Variants in ITGA9 observed in about 807,000 individuals in gnomAD.
The protein encoded by ITGA9 is integrin subunit alpha 9.
ITGA9 carries 56 observed loss-of-function variants against 127.8 expected under a neutral mutation model. That is an observed-to-expected ratio of 0.44 (90% CI 0.35 to 0.55). The LOEUF (loss-of-function observed/expected upper bound fraction) is 0.55. ITGA9 is among the 20% of genes least tolerant of loss of function. The pLI is 0.00. For missense variants in ITGA9, 1,196 were observed against 1,347.1 expected, an observed-to-expected ratio of 0.89 and a Z score of 1.76; for synonymous variants, 508 against 514.5, an observed-to-expected ratio of 0.99 and a Z score of 0.17.
chr3:37,813,616 C>CT (rs1697394471), intron 27 of ITGA9, among the ~76,000 whole-genome samples: 1 of 152,172 alleles, frequency 6.6e-6, no homozygotes, highest in Non-Finnish European at 1.5e-5. Context: ...AGATAACATG[C>CT]TTTTTTCTGG....
In ITGA9 at chr3:37,625,205, C is replaced by T. The variant is rs552117350; in HGVS notation, c.1690-3982C>T. On this transcript the variant is annotated intron_variant, in intron 15 of 27. Coordinates refer to ENST00000264741, the MANE Select transcript of ITGA9 (RefSeq NM_002207.3). ...CATTTCCTCTGGGAAGCCTGCCAGC[C>T]CTCAGTCTGAACCTTTGGGTCCCCA... Among the ~76,000 whole-genome samples, 7 of 152,254 alleles carry T rather than the reference C, an allele frequency of 4.6e-5. No individual in the cohort carries two copies. In the East Asian group the frequency reaches 1.4e-3, roughly 29 times the overall value.
At chr3:37,693,858 C>T (rs990681738) in intron 18 of ITGA9, among the ~76,000 whole-genome samples, 1 of 152,176 alleles carries the variant, frequency 6.6e-6, no homozygotes, top group African/African-American at 2.4e-5. Flanking sequence ...GACTGATTTT[C>T]ATTGTGTTCT....
intron 24 of ITGA9, among the ~76,000 whole-genome samples, chr3:37,778,977 C>G (rs1297464529): frequency 6.7e-6 from 1 of 150,132 alleles, no homozygotes; most frequent in Non-Finnish European, 1.5e-5. Context: ...ATAGTTACGA[C>G]TCTGTCTGGC....
intron 15 of ITGA9, among the ~76,000 whole-genome samples, chr3:37,626,423 G>A (rs531729534): frequency 4.3e-4 from 65 of 152,302 alleles, no homozygotes; most frequent in Non-Finnish European, 7.2e-4. Flanking sequence ...ACTTTGGGAA[G>A]ATGAGGCAGA....
intron 14 of ITGA9, among the ~76,000 whole-genome samples, chr3:37,536,583 G>A (rs553476798): frequency 6.6e-6 from 1 of 152,358 alleles, no homozygotes; most frequent in South Asian, 2.1e-4. Flanking sequence ...CAGGGTTCAA[G>A]CCTATGTACA....
chr3:37,664,822 ATTG>A (rs967209243), intron 17 of ITGA9, among the ~76,000 whole-genome samples: 2 of 152,060 alleles, frequency 1.3e-5, no homozygotes, highest in African/African-American at 4.8e-5. Context: ...CATCACTATT[ATTG>A]TTATTATATG....
chr3:37,732,633 C>T (rs1292498135), intron 18 of ITGA9, 79 bp from the exon 19 acceptor site: 1 of 1,053,946 alleles, frequency 9.5e-7, no homozygotes, highest in African/African-American at 1.6e-5. Flanking sequence ...CTCTGAAGGA[C>T]TCGATTGCCC....
intron 1 of ITGA9, among the ~76,000 whole-genome samples, chr3:37,456,459 C>A (rs1365556821): frequency 2.6e-5 from 4 of 152,156 alleles, no homozygotes; most frequent in African/African-American, 9.7e-5. Flanking sequence ...AACTGTAACA[C>A]CCTGTGATAT....
intron 15 of ITGA9, among the ~76,000 whole-genome samples, chr3:37,600,991 A>T (rs1335725308): frequency 6.6e-6 from 1 of 152,222 alleles, no homozygotes; most frequent in African/African-American, 2.4e-5. Context: ...GCATAAAGAC[A>T]TTGAAGTGTC....
At chr3:37,531,895 G>C (rs1211280579) in intron 13 of ITGA9, among the ~76,000 whole-genome samples, 2 of 152,188 alleles carry the variant, frequency 1.3e-5, no homozygotes, top group African/African-American at 4.8e-5. Context: ...TGTGTGTACA[G>C]AGCTGGAAGC....
At chr3:37,748,939 T>A (rs1696544957) in intron 22 of ITGA9, 119 of 551,112 alleles carry the variant, frequency 2.2e-4, no homozygotes, top group Middle Eastern at 9.0e-4. Context: ...CTGGACTGTT[T>A]AAAAAAAAAA....
At chr3:37,529,927 G>A (rs566880550) in intron 13 of ITGA9, among the ~76,000 whole-genome samples, 1 of 152,332 alleles carries the variant, frequency 6.6e-6, no homozygotes, top group South Asian at 2.1e-4. Context: ...ACATGGGCTG[G>A]GGGCGAGGGG....
At chr3:37,518,123 T>TGTGTG (rs1553643689) in intron 10 of ITGA9, among the ~76,000 whole-genome samples, 1 of 151,848 alleles carries the variant, frequency 6.6e-6, no homozygotes, top group Non-Finnish European at 1.5e-5. Flanking sequence ...TGTGTGTGTC[T>TGTGTG]TGGGAGGCAT....
chr3:37,504,956 G>T (rs1698825708), intron 6 of ITGA9, among the ~76,000 whole-genome samples: 1 of 152,240 alleles, frequency 6.6e-6, no homozygotes, highest in South Asian at 2.1e-4. Flanking sequence ...CTTTCAGCCT[G>T]CTAGCAAGGC....
At position 37,732,730 on chromosome 3, in the gene ITGA9, T is replaced by C; in HGVS notation, c.2086T>C (p.Cys696Arg). The C allele has an allele frequency of 6.2e-7, 1 of 1,609,774 alleles. No individual in the cohort carries two copies. The highest frequency in any genetic ancestry group is 8.5e-7 in the Non-Finnish European group (1 of 1,178,724). ...MWQKEEMGIS[C>R]ELLESDFLKC... ...CTTTCAGGAGGAGATGGGCATCTCC[T>C]GTGAGCTGCTGGAATCGGACTTCCT... The change falls in exon 19 of 28, where the codon TGT becomes CGT. Residue 696 changes from cysteine (C) to arginine (R), a missense_variant. Cys to Arg is a radical substitution (Grantham distance 180). Coordinates refer to ENST00000264741, the MANE Select transcript of ITGA9 (RefSeq NM_002207.3).
At chr3:37,507,502 C>G (rs1205414334) in intron 7 of ITGA9, among the ~76,000 whole-genome samples, 1 of 152,122 alleles carries the variant, frequency 6.6e-6, no homozygotes, top group African/African-American at 2.4e-5. Context: ...AAGATGACCC[C>G]TCCGCAAACC....
At chr3:37,523,850 T>C (rs1262838834) in intron 12 of ITGA9, among the ~76,000 whole-genome samples, 2 of 152,184 alleles carry the variant, frequency 1.3e-5, no homozygotes, top group African/African-American at 4.8e-5. Context: ...ATTTGTGTAG[T>C]GGTTTCTGGG....
chr3:37,495,316 C>G (rs901478627), intron 5 of ITGA9, among the ~76,000 whole-genome samples: 1 of 152,174 alleles, frequency 6.6e-6, no homozygotes, highest in Non-Finnish European at 1.5e-5. Context: ...GGACAGGACA[C>G]CTGCATGCTT....
Position 37,743,562 on chromosome 3 carries a change from T to C in ITGA9, c.2325-364T>C, listed in dbSNP as rs193276625. Reference sequence around the variant, plus strand: ...AAATACATAACTCATTTATATTTATTTTTTAAAAGCTTATGATCATCTTCT... The same window carrying C: ...AAATACATAACTCATTTATATTTATCTTTTAAAAGCTTATGATCATCTTCT... On this transcript the variant is annotated intron_variant, in intron 21 of 27. Coordinates refer to ENST00000264741, the MANE Select transcript of ITGA9 (RefSeq NM_002207.3). Among the ~76,000 whole-genome samples the C allele has an allele frequency of 1.1e-4, 17 of 152,382 alleles. No individual in the cohort carries two copies. In the East Asian group the frequency reaches 3.3e-3, roughly 29 times the overall value.
Sources: gnomAD v4.1 joint callset for allele counts (sites outside exome capture counted in the v4.1 genomes callset) on GRCh38, gnomAD v4.1.1 for gene constraint, MANE v1.5 for transcripts, NCBI Gene and HGNC (gene_info 2026-07-23, HGNC 2026-07-21) for gene names.